The following NALF1 variants were observed in gnomAD, a reference collection of about 807,000 sequenced individuals.
NALF1 encodes the protein NALCN channel auxiliary factor 1, also known as family with sequence similarity 155 member A.
NALF1 carries 3 observed loss-of-function variants against 48.4 expected under a neutral mutation model. The observed-to-expected ratio is 0.06, with a 90% CI of 0.03 to 0.16. NALF1 has a LOEUF of 0.16. Ranked by LOEUF, NALF1 falls within the 10% of genes least tolerant of loss-of-function variation. NALF1 has a pLI of 1.00. For missense variants in NALF1, 526 were observed against 571.5 expected, an observed-to-expected ratio of 0.92 and a Z score of 0.81; for synonymous variants, 262 against 245.7, an observed-to-expected ratio of 1.07 and a Z score of -0.62.
intron 1 of NALF1, among the ~76,000 whole-genome samples, chr13:107,495,873 C>G (rs529219087): frequency 6.6e-6 from 1 of 152,048 alleles, no homozygotes; most frequent in African/African-American, 2.4e-5. Context: ...GAGTAAAAAC[C>G]AGAAACCTAC....
At chr13:107,520,738 T>C (rs539033730) in intron 1 of NALF1, among the ~76,000 whole-genome samples, 5 of 152,324 alleles carry the variant, frequency 3.3e-5, no homozygotes, top group East Asian at 1.9e-4. Flanking sequence ...CCGTGCATCA[T>C]AGAACGTTTG....
intron 1 of NALF1, among the ~76,000 whole-genome samples, chr13:107,827,386 TTA>T (rs370735402): frequency 1.4e-4 from 22 of 152,336 alleles, no homozygotes; most frequent in African/African-American, 5.1e-4. Context: ...CGTTAATTCA[TTA>T]TGTCTTTCCT....
At chr13:107,299,524 C>T (rs80216355) in intron 1 of NALF1, among the ~76,000 whole-genome samples, 7 of 149,938 alleles carry the variant, frequency 4.7e-5, no homozygotes, top group African/African-American at 1.5e-4. Flanking sequence ...ACACTAACAT[C>T]CTATTTTTCC....
intron 1 of NALF1, among the ~76,000 whole-genome samples, chr13:107,654,112 GAT>G (rs1313417995): frequency 6.6e-5 from 10 of 151,874 alleles, no homozygotes; most frequent in Non-Finnish European, 1.2e-4. Flanking sequence ...TCTTTAGAAA[GAT>G]AAATAAAATT....
intron 1 of NALF1, among the ~76,000 whole-genome samples, chr13:107,272,315 C>T (rs1277119076): frequency 2.6e-5 from 1 of 38,504 alleles, no homozygotes; most frequent in East Asian, 7.2e-4. Context: ...CCCGGGTTCA[C>T]GCCATTCTCC....
At chr13:107,319,726 GCA>G (rs1882217936) in intron 1 of NALF1, among the ~76,000 whole-genome samples, 1 of 152,084 alleles carries the variant, frequency 6.6e-6, no homozygotes, top group African/African-American at 2.4e-5. Context: ...CCAAGTTCAT[GCA>G]GTCAGTAAAT....
intron 1 of NALF1, among the ~76,000 whole-genome samples, chr13:107,278,999 C>T (rs1455666271): frequency 6.6e-6 from 1 of 150,782 alleles, no homozygotes; most frequent in East Asian, 1.9e-4. Flanking sequence ...ACTGGTTACC[C>T]GTCTATTCAT....
At chr13:107,859,735 T>C (rs1331195149) in intron 1 of NALF1, among the ~76,000 whole-genome samples, 6 of 151,858 alleles carry the variant, frequency 4.0e-5, no homozygotes, top group Admixed American at 3.9e-4. Flanking sequence ...AAACACCATC[T>C]CTACTAAAAA....
intron 1 of NALF1, among the ~76,000 whole-genome samples, chr13:107,680,017 C>T (rs954005294): frequency 1.3e-5 from 2 of 152,118 alleles, no homozygotes; most frequent in Non-Finnish European, 2.9e-5. Context: ...AGTGTCCCTT[C>T]GGTGGCCATC....
intron 1 of NALF1, among the ~76,000 whole-genome samples, chr13:107,347,228 G>T (rs527718663): frequency 1.3e-5 from 2 of 152,150 alleles, no homozygotes; most frequent in Non-Finnish European, 2.9e-5. Context: ...GGCTTTCTGA[G>T]GCATTCTGCC....
chr13:107,792,602 A>G (rs1878282700), intron 1 of NALF1, among the ~76,000 whole-genome samples: 1 of 152,188 alleles, frequency 6.6e-6, no homozygotes. Context: ...CCAAACTACT[A>G]TCACCATGAC....
chr13:107,378,538 A>G (rs1055272256), intron 1 of NALF1, among the ~76,000 whole-genome samples: 2 of 152,124 alleles, frequency 1.3e-5, no homozygotes, highest in African/African-American at 4.8e-5. Context: ...ATAGAAGTCA[A>G]TTTCTAAACT....
chr13:107,342,773 G>A (rs1031043797), intron 1 of NALF1, among the ~76,000 whole-genome samples: 2 of 152,070 alleles, frequency 1.3e-5, no homozygotes, highest in South Asian at 2.1e-4. Flanking sequence ...AATGTAAAAG[G>A]AATCAGAGCA....
chr13:107,243,919 C>T (rs1280424313), intron 1 of NALF1, among the ~76,000 whole-genome samples: 1 of 152,066 alleles, frequency 6.6e-6, no homozygotes, highest in Non-Finnish European at 1.5e-5. Context: ...GGGGGGCTTC[C>T]ACCTCCTACC....
At chr13:107,777,574 C>T (rs1278017502) in intron 1 of NALF1, among the ~76,000 whole-genome samples, 1 of 152,158 alleles carries the variant, frequency 6.6e-6, no homozygotes, top group Non-Finnish European at 1.5e-5. Context: ...TCTCTTGCTC[C>T]TGCATTCGTC....
chr13:107,605,153 CA>C (rs1423865762), intron 1 of NALF1, among the ~76,000 whole-genome samples: 4 of 152,102 alleles, frequency 2.6e-5, no homozygotes, highest in Non-Finnish European at 5.9e-5. Context: ...ATGATTTAAA[CA>C]AAAAGCTTGT....
chr13:107,231,872 C>T (rs2138825659), intron 1 of NALF1, among the ~76,000 whole-genome samples: 1 of 152,284 alleles, frequency 6.6e-6, no homozygotes, highest in South Asian at 2.1e-4. Flanking sequence ...TAGATAGCTT[C>T]CCTAGGAGCA....
intron 1 of NALF1, among the ~76,000 whole-genome samples, chr13:107,330,025 T>C (rs1178888011): frequency 6.6e-6 from 1 of 152,118 alleles, no homozygotes; most frequent in Non-Finnish European, 1.5e-5. Flanking sequence ...TTGCCTTTGG[T>C]TCTGGAGAAC....
intron 1 of NALF1, among the ~76,000 whole-genome samples, chr13:107,693,582 T>A (rs942359500): frequency 6.6e-6 from 1 of 151,978 alleles, no homozygotes; most frequent in Admixed American, 6.6e-5. Flanking sequence ...TGAGGCAAGG[T>A]TACTTTAGAA....
Sources: allele counts gnomAD v4.1 joint callset (sites outside exome capture counted in the v4.1 genomes callset), GRCh38; gene constraint gnomAD v4.1.1; transcripts MANE v1.5; gene names NCBI Gene and HGNC (gene_info 2026-07-23, HGNC 2026-07-21).